IARS2: variants seen among roughly 807,000 people sequenced by gnomAD.
IARS2 encodes the protein isoleucine--tRNA ligase, mitochondrial.
In IARS2, 56 loss-of-function variants were observed where a neutral mutation model predicts 126.3. The ratio of observed to expected loss-of-function variants is 0.44; its 90% CI spans 0.36 to 0.55. IARS2 has a LOEUF of 0.55. Ranked by LOEUF, IARS2 falls within the 20% of genes least tolerant of loss-of-function variation. The probability of loss-of-function intolerance (pLI) is 0.00; values close to 1 mark genes in which losing one functional copy is unlikely to be tolerated. For synonymous variants in IARS2, 407 were observed against 441.1 expected (o/e 0.92, Z 0.97); for missense variants, 1,127 against 1,245.9 (o/e 0.90, Z 1.44).
At chr1:220,119,654 G>A (rs1448386357) in intron 12 of IARS2, among the ~76,000 whole-genome samples, 1 of 151,930 alleles carries the variant, frequency 6.6e-6, no homozygotes, top group East Asian at 1.9e-4. Context: ...TTACCCAAAG[G>A]AAATAGGACT....
intron 3 of IARS2, 51 bp from the exon 4 acceptor site, chr1:220,102,078 A>G: frequency 1.6e-5 from 24 of 1,516,274 alleles, no homozygotes; most frequent in Non-Finnish European, 2.2e-5. Flanking sequence ...ACCATGTTTA[A>G]GAATTCGAAT....
chr1:220,097,335 C>A (rs1411621600), intron 2 of IARS2, among the ~76,000 whole-genome samples: 1 of 151,302 alleles, frequency 6.6e-6, no homozygotes, highest in Non-Finnish European at 1.5e-5. Flanking sequence ...TTACATAATT[C>A]CACCTTCTCT....
intron 15 of IARS2, among the ~76,000 whole-genome samples, 175 bp from the exon 16 acceptor site, chr1:220,136,634 C>CAA (rs775927970): frequency 3.0e-3 from 189 of 62,406 alleles, no homozygotes; most frequent in African/African-American, 4.6e-3. Context: ...GACTCCATCT[C>CAA]AAAAAAAAAA....
chr1:220,114,641 A>G (rs766390137), intron 12 of IARS2, among the ~76,000 whole-genome samples, 167 bp downstream of exon 12: 1 of 152,266 alleles, frequency 6.6e-6, no homozygotes, highest in Non-Finnish European at 1.5e-5. Context: ...TCTATCATAC[A>G]GTTAAAATAT....
At position 220,100,677 on chromosome 1, in the gene IARS2, A is replaced by G. The variant is rs925588201; in HGVS notation, c.550+28A>G. ...AAATAATCTGTATTTCTGTTTTAAA[A>G]TGATATTTGTAAACACTCAGGTCCT... On this transcript the variant is annotated intron_variant, in intron 3 of 22. Coordinates refer to ENST00000366922, the MANE Select transcript of IARS2 (RefSeq NM_018060.4). 3.2e-6 allele frequency: 5 copies of G among 1,559,688 alleles called. No individual in the cohort carries two copies. The African/African-American group carries it at 6.8e-5, about 21-fold the overall frequency.
intron 12 of IARS2, chr1:220,117,770 A>G: frequency 4.5e-6 from 2 of 442,806 alleles, no homozygotes; most frequent in South Asian, 1.8e-5. Flanking sequence ...TATTTACTCA[A>G]TACATTTACA....
At chr1:220,144,215 A>G in intron 21 of IARS2, 1 of 774,468 alleles carries the variant, frequency 1.3e-6, no homozygotes, top group East Asian at 2.4e-5. Flanking sequence ...TTGCCAATGT[A>G]ACCATGCTTC....
At position 220,103,527 on chromosome 1, in the gene IARS2, T is replaced by C. The variant is rs147781758; in HGVS notation, c.1031T>C (p.Leu344Ser). 81 of 1,613,116 alleles carry C rather than the reference T, an allele frequency of 5.0e-5. No homozygotes were observed. Among genetic ancestry groups the C allele is most frequent in the Non-Finnish European group, 6.8e-5 (80 of 1,179,244 alleles). The change falls in exon 8 of 23, where the codon TTG (leucine) becomes TCG (serine). Residue 344 changes from leucine to serine, a missense_variant. Transcript: ENST00000366922. Reference protein sequence around the residue: ...ADKVASVASTLETTFETISTL... With the variant: ...ADKVASVASTSETTFETISTL... ...AAAGTAGCATCTGTTGCTTCTACTT[T>C]GGAAACAACATTTGAGACTATTTCA...
rs767247808 is a variant in IARS2 at position 220,136,943 on chromosome 1, C to T, written c.2049+32C>T. 11 of 1,382,424 alleles carry T rather than the reference C, an allele frequency of 8.0e-6. No homozygotes were observed. The East Asian group carries it at 1.1e-4, about 14-fold the overall frequency. The allele number at this position is 1,382,424 out of a possible 1,614,324, so 85.6% of individuals were successfully genotyped here. ...GATTCTCTAAAATGTATTTTATTTTCGTTTTAAGGATCTTAAATTGGCAGC... is the reference window on the plus strand; with the variant it reads ...GATTCTCTAAAATGTATTTTATTTTTGTTTTAAGGATCTTAAATTGGCAGC... On this transcript the variant is annotated intron_variant, in intron 16 of 22. Transcript: ENST00000366922.
intron 14 of IARS2, among the ~76,000 whole-genome samples, chr1:220,132,621 G>C (rs1457382208): frequency 6.6e-6 from 1 of 151,152 alleles, no homozygotes; most frequent in Non-Finnish European, 1.5e-5. Context: ...CACCTCCCAG[G>C]TTCAAGCAGT....
chr1:220,103,169 T>C (rs937733960), intron 7 of IARS2, among the ~76,000 whole-genome samples: 2 of 151,906 alleles, frequency 1.3e-5, no homozygotes, highest in Non-Finnish European at 2.9e-5. Context: ...GCCTCCCGAG[T>C]AGCTGGGATT....
At chr1:220,111,586 A>G (rs1439979750) in intron 11 of IARS2, among the ~76,000 whole-genome samples, 1 of 142,538 alleles carries the variant, frequency 7.0e-6, no homozygotes. Context: ...GTATATATAT[A>G]TATATATATA....
intron 12 of IARS2, among the ~76,000 whole-genome samples, chr1:220,119,501 C>T (rs1656994430): frequency 6.6e-6 from 1 of 151,890 alleles, no homozygotes; most frequent in African/African-American, 2.4e-5. Context: ...AATTTTCCTG[C>T]ATTTTTTTCT....
intron 19 of IARS2, among the ~76,000 whole-genome samples, chr1:220,141,574 C>T (rs1030444669): frequency 6.6e-6 from 1 of 152,214 alleles, no homozygotes; most frequent in African/African-American, 2.4e-5. Flanking sequence ...CTCTAGTTGT[C>T]ATCCACCTGA....
intron 2 of IARS2, among the ~76,000 whole-genome samples, chr1:220,097,585 G>T (rs980293957): frequency 2.0e-5 from 3 of 151,508 alleles, no homozygotes; most frequent in Non-Finnish European, 2.9e-5. Context: ...GGATGGTCTC[G>T]ATCTCCTGAC....
chr1:220,110,557 G>C (rs1250247266), intron 10 of IARS2, among the ~76,000 whole-genome samples: 2 of 152,068 alleles, frequency 1.3e-5, no homozygotes, highest in Non-Finnish European at 2.9e-5. Context: ...GTAGAGACGA[G>C]GTTTCACCAT....
At chr1:220,115,182 T>C (rs949733223) in intron 12 of IARS2, among the ~76,000 whole-genome samples, 8 of 152,238 alleles carry the variant, frequency 5.3e-5, no homozygotes, top group African/African-American at 1.9e-4. Context: ...CCTAGATTTT[T>C]TTCACTTTAT....
intron 12 of IARS2, among the ~76,000 whole-genome samples, chr1:220,116,010 C>T (rs897920263): frequency 3.0e-4 from 45 of 152,110 alleles, no homozygotes; most frequent in African/African-American, 1.1e-3. Flanking sequence ...TGCTTGAAGC[C>T]AGCTGTTCAA....
At chr1:220,126,106 C>CAAAAAA (rs372363841) in intron 13 of IARS2, among the ~76,000 whole-genome samples, 15 of 81,374 alleles carry the variant, frequency 1.8e-4, no homozygotes, top group South Asian at 8.2e-4. Context: ...AACTCTGTCT[C>CAAAAAA]AAAAAAAAAA....
Sources: allele counts gnomAD v4.1 joint callset (sites outside exome capture counted in the v4.1 genomes callset), GRCh38; gene constraint gnomAD v4.1.1; transcripts MANE v1.5; gene names NCBI Gene and HGNC (gene_info 2026-07-23, HGNC 2026-07-21).